Variants in LSAMP observed in about 807,000 individuals in gnomAD.
LSAMP encodes the protein limbic system associated membrane protein.
A neutral mutation model predicts 38.6 loss-of-function variants in LSAMP; 7 were observed. That is an observed-to-expected ratio of 0.18 (90% CI 0.10 to 0.34). The LOEUF (loss-of-function observed/expected upper bound fraction) is 0.34, where lower values mean the gene tolerates loss of function less well. LSAMP is among the 10% of genes least tolerant of loss of function. The pLI is 1.00. For missense variants in LSAMP, 313 were observed against 420.0 expected (o/e 0.75, Z 2.23); for synonymous variants, 154 against 166.8 (o/e 0.92, Z 0.59).
intron 1 of LSAMP, among the ~76,000 whole-genome samples, chr3:116,350,667 T>C (rs924957045): frequency 4.6e-5 from 7 of 151,386 alleles, no homozygotes; most frequent in Admixed American, 4.6e-4. Context: ...GGCACATAAG[T>C]AGTGATGCTA....
At chr3:115,857,188 G>C (rs1049430060) in intron 3 of LSAMP, among the ~76,000 whole-genome samples, 1 of 152,202 alleles carries the variant, frequency 6.6e-6, no homozygotes, top group Non-Finnish European at 1.5e-5. Flanking sequence ...CTTAGCAAGT[G>C]CCGTTTCTTG....
intron 1 of LSAMP, among the ~76,000 whole-genome samples, chr3:116,256,335 G>C (rs544436673): frequency 1.3e-5 from 2 of 152,280 alleles, no homozygotes; most frequent in Non-Finnish European, 2.9e-5. Context: ...GACCTCAGTA[G>C]TGCACACAAG....
intron 1 of LSAMP, among the ~76,000 whole-genome samples, chr3:116,240,115 A>G (rs2046513767): frequency 6.6e-6 from 1 of 152,242 alleles, no homozygotes; most frequent in East Asian, 1.9e-4. Flanking sequence ...GATGATTATT[A>G]TAAGAAAGTA....
intron 3 of LSAMP, among the ~76,000 whole-genome samples, chr3:115,967,024 A>G (rs58048881): frequency 0.24 from 37,225 of 152,034 alleles, 5,214 homozygotes; most frequent in African/African-American, 0.4. Flanking sequence ...GGTGCTCCTC[A>G]TTACTTATGC....
chr3:116,006,689 G>A (rs1376916158), intron 3 of LSAMP, among the ~76,000 whole-genome samples: 5 of 152,080 alleles, frequency 3.3e-5, no homozygotes, highest in East Asian at 1.9e-4. Context: ...ACCCCCTGCC[G>A]ACTTCTGTGT....
At position 115,829,864 on chromosome 3, in the gene LSAMP, T is replaced by C. The variant is rs1225169818; in HGVS notation, c.919+11981A>G. 6.6e-5 allele frequency among the ~76,000 whole-genome samples: 10 copies of C among 152,332 alleles called. No individual in the cohort carries two copies. In the East Asian group the frequency reaches 1.9e-3, roughly 29 times the overall value. ...TACATCAAAATATAATAAGAATACA[T>C]TGAACTTATATCTAGCTGATGTCCA... On this transcript the variant is annotated intron_variant, in intron 6 of 6. Coordinates refer to ENST00000490035, the MANE Select transcript of LSAMP (RefSeq NM_002338.5).
At chr3:116,011,654 G>C (rs188106865) in intron 3 of LSAMP, among the ~76,000 whole-genome samples, 2 of 152,112 alleles carry the variant, frequency 1.3e-5, no homozygotes, top group Non-Finnish European at 1.5e-5. Flanking sequence ...GCAGGTGAGA[G>C]GAAATATTGG....
At chr3:116,227,748 G>A (rs1014632154) in intron 1 of LSAMP, among the ~76,000 whole-genome samples, 2 of 151,924 alleles carry the variant, frequency 1.3e-5, no homozygotes, top group African/African-American at 2.4e-5. Context: ...CCTATTTGGA[G>A]TTTATTAAAT....
At chr3:116,412,032 G>T (rs1238220483) in intron 1 of LSAMP, among the ~76,000 whole-genome samples, 1 of 151,952 alleles carries the variant, frequency 6.6e-6, no homozygotes, top group African/African-American at 2.4e-5. Context: ...CAAGAACTGT[G>T]AGCAAAACAA....
At chr3:116,260,142 G>A (rs570115085) in intron 1 of LSAMP, among the ~76,000 whole-genome samples, 3 of 152,124 alleles carry the variant, frequency 2.0e-5, no homozygotes, top group East Asian at 3.9e-4. Context: ...CTTTTTCTAA[G>A]GAAAGGAATG....
intron 1 of LSAMP, among the ~76,000 whole-genome samples, chr3:116,287,323 A>G (rs577727470): frequency 6.6e-6 from 1 of 152,246 alleles, no homozygotes; most frequent in East Asian, 1.9e-4. Flanking sequence ...TAGCTCTCAC[A>G]ATGTGACCCT....
chr3:115,903,304 G>A (rs778891526), intron 3 of LSAMP, among the ~76,000 whole-genome samples: 2 of 152,082 alleles, frequency 1.3e-5, no homozygotes, highest in Non-Finnish European at 2.9e-5. Context: ...ACATGAACAC[G>A]TAGAGGGGAA....
At chr3:116,305,123 T>G (rs572368589) in intron 1 of LSAMP, among the ~76,000 whole-genome samples, 1 of 152,094 alleles carries the variant, frequency 6.6e-6, no homozygotes, top group African/African-American at 2.4e-5. Context: ...CCAATATCCT[T>G]CCCTATTCCC....
intron 1 of LSAMP, among the ~76,000 whole-genome samples, chr3:116,098,558 TATAATC>T (rs1206858935): frequency 6.6e-6 from 1 of 152,198 alleles, no homozygotes; most frequent in African/African-American, 2.4e-5. Context: ...AATGGAGAAT[TATAATC>T]ATAAGAATTT....
intron 1 of LSAMP, among the ~76,000 whole-genome samples, chr3:116,232,700 T>TTTC (rs11406567): frequency 5.4e-3 from 27 of 5,000 alleles, no homozygotes; most frequent in Admixed American, 0.03. Context: ...TCTTTCTTTC[T>TTTC]TTTTTTTTTT....
chr3:115,846,577 A>G (rs1316031493), intron 4 of LSAMP, among the ~76,000 whole-genome samples: 1 of 152,210 alleles, frequency 6.6e-6, no homozygotes, highest in East Asian at 1.9e-4. Flanking sequence ...ACCCCATTTT[A>G]TGAAAGAGAA....
chr3:115,963,348 C>T (rs571932130), intron 3 of LSAMP, among the ~76,000 whole-genome samples: 1 of 152,168 alleles, frequency 6.6e-6, no homozygotes. Flanking sequence ...CCTTCACATG[C>T]TTATTTATTC....
intron 3 of LSAMP, among the ~76,000 whole-genome samples, chr3:115,899,674 C>T (rs1936824259): frequency 6.6e-6 from 1 of 152,140 alleles, no homozygotes; most frequent in Non-Finnish European, 1.5e-5. Flanking sequence ...CTGTTTTATT[C>T]TGTTGATTAG....
At chr3:115,833,131 G>GT (rs926084455) in intron 6 of LSAMP, among the ~76,000 whole-genome samples, 3 of 152,110 alleles carry the variant, frequency 2.0e-5, no homozygotes, top group Non-Finnish European at 2.9e-5. Flanking sequence ...GTATGTGTGT[G>GT]TTTTTCATAT....
Sources: allele counts gnomAD v4.1 joint callset (sites outside exome capture counted in the v4.1 genomes callset), GRCh38; gene constraint gnomAD v4.1.1; transcripts MANE v1.5; gene names NCBI Gene and HGNC (gene_info 2026-07-23, HGNC 2026-07-21).